CCDC171: variants seen among roughly 807,000 people sequenced by gnomAD.
The protein encoded by CCDC171 is coiled-coil domain-containing protein 171.
In CCDC171, 177 loss-of-function variants were observed where a neutral mutation model predicts 168.2. That is an observed-to-expected ratio of 1.05 (90% CI 0.93 to 1.19). The LOEUF (loss-of-function observed/expected upper bound fraction) is 1.19. CCDC171 is among the 50% of genes most tolerant of loss of function. The pLI is 0.00. For synonymous variants in CCDC171, 687 were observed against 540.8 expected, an observed-to-expected ratio of 1.27 and a Z score of -3.75; for missense variants, 1,991 against 1,539.0, an observed-to-expected ratio of 1.29 and a Z score of -4.91.
At chr9:15,557,216 CA>C (rs1201554143) in intron 1 of CCDC171, among the ~76,000 whole-genome samples, 2 of 152,210 alleles carry the variant, frequency 1.3e-5, no homozygotes, top group Middle Eastern at 3.4e-3. Flanking sequence ...ATTGTCTTGG[CA>C]ATGTGGGCTC....
At chr9:15,886,771 C>CACAG (rs1216805121) in intron 24 of CCDC171, 1 of 151,006 alleles carries the variant, frequency 6.6e-6, no homozygotes, top group African/African-American at 2.5e-5. Flanking sequence ...CACACACACA[C>CACAG]ACACACACAC....
At chr9:15,742,922 A>G (rs2054981059) in intron 16 of CCDC171, among the ~76,000 whole-genome samples, 1 of 151,882 alleles carries the variant, frequency 6.6e-6, no homozygotes, top group East Asian at 1.9e-4. Flanking sequence ...CTATACACAT[A>G]CCACCCTACT....
chr9:15,611,836 C>G (rs1227119545), intron 6 of CCDC171, among the ~76,000 whole-genome samples: 1 of 152,084 alleles, frequency 6.6e-6, no homozygotes, highest in East Asian at 1.9e-4. Context: ...TCAAGGTTAG[C>G]TGTTTTGCTA....
chr9:15,877,904 C>T (rs1019135306), intron 24 of CCDC171, among the ~76,000 whole-genome samples: 13 of 152,058 alleles, frequency 8.5e-5, no homozygotes, highest in African/African-American at 2.7e-4. Flanking sequence ...GTTTTCATTT[C>T]GATTCAGTAG....
chr9:15,661,896 CAAAG>C (rs2048350313), intron 8 of CCDC171, among the ~76,000 whole-genome samples: 1 of 152,046 alleles, frequency 6.6e-6, no homozygotes, highest in South Asian at 2.1e-4. Context: ...GACAAAATAA[CAAAG>C]AAAAATAGAG....
chr9:15,719,225 G>C (rs961907077), intron 11 of CCDC171, among the ~76,000 whole-genome samples: 3 of 151,922 alleles, frequency 2.0e-5, no homozygotes, highest in African/African-American at 7.3e-5. Flanking sequence ...CAGTAGAATT[G>C]ATTAAGCAAA....
chr9:15,691,542 T>TATATA (rs1554762137), intron 10 of CCDC171, among the ~76,000 whole-genome samples: 5,886 of 112,584 alleles, frequency 0.052, 280 homozygotes, highest in East Asian at 0.073. Context: ...TAAATATATG[T>TATATA]TTTTTATATA....
intron 11 of CCDC171, among the ~76,000 whole-genome samples, chr9:15,707,755 T>C (rs1385434778): frequency 6.6e-6 from 1 of 152,250 alleles, no homozygotes. Flanking sequence ...TTGTGTTTCA[T>C]CTTGTTATCC....
intron 6 of CCDC171, among the ~76,000 whole-genome samples, chr9:15,601,967 T>G (rs999347937): frequency 6.6e-6 from 1 of 152,196 alleles, no homozygotes; most frequent in African/African-American, 2.4e-5. Flanking sequence ...ATACCAAAGT[T>G]TATATGTGAA....
chr9:15,579,930 T>G (rs571422548), intron 4 of CCDC171, among the ~76,000 whole-genome samples: 168 of 152,300 alleles, frequency 1.1e-3, no homozygotes, highest in Non-Finnish European at 2.1e-3. Context: ...AACATTCTTG[T>G]ACACAGCAGG....
chr9:16,051,234 G>C (rs1833744863), intron 1 of CCDC171, among the ~76,000 whole-genome samples: 1 of 152,172 alleles, frequency 6.6e-6, no homozygotes. Context: ...CCCAAGCTCT[G>C]CTGGGTTCTG....
chr9:15,802,942 A>G (rs1445189958), intron 21 of CCDC171, among the ~76,000 whole-genome samples: 1 of 151,996 alleles, frequency 6.6e-6, no homozygotes, highest in African/African-American at 2.4e-5. Context: ...TTTTAGTAAT[A>G]GCCACTCTGA....
chr9:15,874,789 A>T, intron 24 of CCDC171, 126 bp downstream of exon 24: 1 of 950,316 alleles, frequency 1.1e-6, no homozygotes. Flanking sequence ...ATGTTTCTTC[A>T]TTTTTCTTCT....
chr9:15,763,196 C>T (rs1265983186), intron 18 of CCDC171, among the ~76,000 whole-genome samples: 1 of 152,220 alleles, frequency 6.6e-6, no homozygotes, highest in East Asian at 1.9e-4. Context: ...TGCGAAGCTT[C>T]TGTTGTCCTC....
At chr9:15,902,281 T>A (rs12683908) in intron 24 of CCDC171, among the ~76,000 whole-genome samples, 1 of 145,160 alleles carries the variant, frequency 6.9e-6, no homozygotes, top group Non-Finnish European at 1.5e-5. Flanking sequence ...TATATATATA[T>A]ACACACACAC....
intron 6 of CCDC171, among the ~76,000 whole-genome samples, chr9:15,608,569 T>C (rs981055148): frequency 3.3e-5 from 5 of 152,166 alleles, no homozygotes; most frequent in African/African-American, 1.2e-4. Context: ...GTTACGTTTA[T>C]TGGCCATTCA....
At chr9:15,623,501 A>C in intron 7 of CCDC171, 88 bp downstream of exon 7, 1 of 694,792 alleles carries the variant, frequency 1.4e-6, no homozygotes, top group Non-Finnish European at 2.2e-6. Flanking sequence ...ACACACACAC[A>C]CACACATAAA....
chr9:15,675,917 T>A (rs201544692), intron 9 of CCDC171, among the ~76,000 whole-genome samples: 1 of 152,256 alleles, frequency 6.6e-6, no homozygotes, highest in African/African-American at 2.4e-5. Context: ...GAATGTTGTC[T>A]TGTCTTGCTA....
intron 23 of CCDC171, among the ~76,000 whole-genome samples, chr9:15,860,270 T>G (rs186110486): frequency 2.4e-3 from 361 of 152,008 alleles, no homozygotes; most frequent in Non-Finnish European, 3.8e-3. Flanking sequence ...ATTCTTTTCC[T>G]GTTCTAATCT....
Sources: gnomAD v4.1 joint callset for allele counts (sites outside exome capture counted in the v4.1 genomes callset) on GRCh38, gnomAD v4.1.1 for gene constraint, MANE v1.5 for transcripts, NCBI Gene and HGNC (gene_info 2026-07-23, HGNC 2026-07-21) for gene names.